Variants in TBC1D10A observed in about 807,000 individuals in gnomAD.
The protein encoded by TBC1D10A is TBC1 domain family member 10A, also known as EBP50-PDX interactor of 64 kDa.
In TBC1D10A, 24 loss-of-function variants were observed where a neutral mutation model predicts 52.9. That is an observed-to-expected ratio of 0.45 (90% CI 0.33 to 0.64). The LOEUF (loss-of-function observed/expected upper bound fraction) is 0.64. Ranked by LOEUF, TBC1D10A falls within the 30% of genes least tolerant of loss-of-function variation. The pLI, the probability that TBC1D10A is intolerant of heterozygous loss-of-function variation, is 0.02. For synonymous variants in TBC1D10A, 278 were observed against 282.9 expected, an observed-to-expected ratio of 0.98 and a Z score of 0.17; for missense variants, 602 against 687.9, an observed-to-expected ratio of 0.88 and a Z score of 1.40.
intron 1 of TBC1D10A, among the ~76,000 whole-genome samples, chr22:30,307,529 A>C (rs1039320636): frequency 1.3e-5 from 2 of 152,060 alleles, no homozygotes; most frequent in Non-Finnish European, 2.9e-5. Context: ...AGGCCATACA[A>C]TTCTCCCATA....
At chr22:30,316,842 C>A (rs1930547823) in intron 1 of TBC1D10A, among the ~76,000 whole-genome samples, 1 of 151,928 alleles carries the variant, frequency 6.6e-6, no homozygotes, top group Non-Finnish European at 1.5e-5. Context: ...AGTTTGAAAC[C>A]AGCCTGGGCA....
chr22:30,310,999 T>C (rs187730283), intron 1 of TBC1D10A, among the ~76,000 whole-genome samples: 4 of 151,842 alleles, frequency 2.6e-5, no homozygotes, highest in Non-Finnish European at 5.9e-5. Context: ...GTGTGGAAAA[T>C]TGGGAAGTGG....
At chr22:30,308,324 ATGCCTGCATGCCTGCC>A (rs1351410127) in intron 1 of TBC1D10A, among the ~76,000 whole-genome samples, 2 of 147,764 alleles carry the variant, frequency 1.4e-5, no homozygotes, top group Non-Finnish European at 1.5e-5. Context: ...GCATGCCTGC[ATGCCTGCATGCCTGCC>A]TGCCTGCCTG....
At chr22:30,315,638 G>A (rs984163748) in intron 1 of TBC1D10A, among the ~76,000 whole-genome samples, 9 of 152,156 alleles carry the variant, frequency 5.9e-5, no homozygotes, top group Admixed American at 2.0e-4. Context: ...GGCTGGCCGC[G>A]GAAGATCGCT....
chr22:30,292,655 G>T lies in TBC1D10A; in HGVS notation c.1247C>A (p.Ala416Asp), dbSNP rs776377464. 2.1e-5 allele frequency: 34 copies of T among 1,610,464 alleles called. No homozygotes were observed. The highest frequency in any genetic ancestry group is 4.5e-5 in the East Asian group (2 of 44,842). Reference sequence around the variant, plus strand: ...CTTGGCTTTGGAGCCAGGGAGGGGGGCATCTAGGGGCAGGCGGATGGATGG... The same window carrying T: ...CTTGGCTTTGGAGCCAGGGAGGGGGTCATCTAGGGGCAGGCGGATGGATGG... ...PSPSIRLPLD[A>D]PLPGSKAKPK... is the part of the protein sequence containing the mutation. The change falls in exon 9 of 9, where the codon GCC becomes GAC. Residue 416 changes from alanine to aspartate, a missense_variant. This residue lies in a region of TBC1D10A where 265 missense variants were observed against 275.1 expected (regional missense o/e 0.96). Coordinates refer to ENST00000215790, the MANE Select transcript of TBC1D10A (RefSeq NM_031937.3).
intron 2 of TBC1D10A, among the ~76,000 whole-genome samples, chr22:30,302,779 T>G (rs1930228193): frequency 6.6e-6 from 1 of 152,192 alleles, no homozygotes; most frequent in Non-Finnish European, 1.5e-5. Flanking sequence ...CAGCTGCTAC[T>G]CTGCTGAGAG....
At chr22:30,316,818 C>T (rs922890723) in intron 1 of TBC1D10A, among the ~76,000 whole-genome samples, 1 of 152,118 alleles carries the variant, frequency 6.6e-6, no homozygotes, top group Non-Finnish European at 1.5e-5. Context: ...GAGGGAGGAT[C>T]GCTTGTGCCC....
chr22:30,322,061 C>T (rs759702789), intron 1 of TBC1D10A, among the ~76,000 whole-genome samples: 30 of 150,688 alleles, frequency 2.0e-4, no homozygotes, highest in Admixed American at 2.0e-3. Context: ...CTCATTACAA[C>T]CTCCGCCTCC....
intron 1 of TBC1D10A, among the ~76,000 whole-genome samples, chr22:30,307,386 C>T (rs1307385415): frequency 6.6e-6 from 1 of 152,212 alleles, no homozygotes; most frequent in Non-Finnish European, 1.5e-5. Flanking sequence ...TGGAACTCCT[C>T]CAGGGATGGG....
Position 30,293,987 on chromosome 22 carries a change from ACATGAAC to A in TBC1D10A, c.822_828del (p.Trp274CysfsTer36), listed in dbSNP as rs1413135250. 4.3e-6 allele frequency: 7 copies of A among 1,614,058 alleles called. No individual in the cohort carries two copies. Among genetic ancestry groups the A allele is most frequent in the Non-Finnish European group, 5.9e-6 (7 of 1,180,016 alleles). Reference sequence around the variant, plus strand: ...CAGGGCAAGGTTCGGGAGAAGGCGCACATGAACCATTCTGTCATATAGAGGAGCGGGT... The same window carrying A: ...CAGGGCAAGGTTCGGGAGAAGGCGCACATTCTGTCATATAGAGGAGCGGGT... On this transcript the variant is annotated frameshift_variant, in exon 7 of 9. Transcript: ENST00000215790. LOFTEE classifies it high-confidence loss of function.
chr22:30,326,758 CGA>C lies in TBC1D10A; in HGVS notation c.122_123del (p.Leu41ArgfsTer3), dbSNP rs1930786738. ...DAATTDELSS[L>X]GSDSEANGFA... ...AAGCCGTTGGCCTCCGAGTCAGACCCGAGAGAGCTGAGTTCGTCGGTGGTTGC... is the reference window on the plus strand; with the variant it reads ...AAGCCGTTGGCCTCCGAGTCAGACCCGAGAGCTGAGTTCGTCGGTGGTTGC... On this transcript the variant is annotated frameshift_variant, in exon 1 of 9. Transcript: ENST00000215790. LOFTEE classifies it high-confidence loss of function. 8 of 1,527,006 alleles carry C rather than the reference CGA, an allele frequency of 5.2e-6. No individual in the cohort carries two copies. In the African/African-American group the frequency reaches 1.1e-4, roughly 22 times the overall value. 94.6% of individuals were successfully genotyped at this position (1,527,006 alleles called of 1,614,324 possible).
chr22:30,292,246 C>T lies in TBC1D10A; in HGVS notation c.*129G>A. On this transcript the variant is annotated 3_prime_UTR_variant, in exon 9 of 9. Transcript: ENST00000215790. ...GGACCAGGCAGAATCTGTGTTGGAC[C>T]AGCCAGACTCCAGCCCAGCCCAGTG... 1.3e-6 allele frequency: 1 copy of T among 782,668 alleles called. No individual in the cohort carries two copies. The highest frequency in any genetic ancestry group is 1.8e-5 in the African/African-American group (1 of 56,636). The allele number at this position is 782,668 out of a possible 1,614,324, so 48.5% of individuals were successfully genotyped here.
Position 30,326,894 on chromosome 22 carries a change from C to G in TBC1D10A, c.-13G>C, listed in dbSNP as rs529818297. ...TGCTCTTCGCCATCCCAGCCGCGCCCGCCGCCTGAGCTCCAGCGGCCACCT... is the reference window on the plus strand; with the variant it reads ...TGCTCTTCGCCATCCCAGCCGCGCCGGCCGCCTGAGCTCCAGCGGCCACCT... On this transcript the variant is annotated 5_prime_UTR_variant, in exon 1 of 9. Transcript: ENST00000215790. The G allele has an allele frequency of 1.8e-4, 265 of 1,468,152 alleles. No homozygotes were observed. The highest frequency in any genetic ancestry group is 2.2e-4 in the Non-Finnish European group (251 of 1,117,078). 90.9% of individuals were successfully genotyped at this position (1,468,152 alleles called of 1,614,324 possible).
Position 30,325,809 on chromosome 22 carries a change from C to T in TBC1D10A, c.209+864G>A, listed in dbSNP as rs1196422745. Among the ~76,000 whole-genome samples, 3 of 152,148 alleles carry T rather than the reference C, an allele frequency of 2.0e-5. No individual in the cohort carries two copies. The South Asian group carries it at 6.2e-4, about 32-fold the overall frequency. ...ACCCTGCTGTCTCCCTGCCTGCCCC[C>T]GTCCCACGCCCAAGATCTGCCCTTG... is the stretch of plus-strand genomic sequence containing the variant. On this transcript the variant is annotated intron_variant, in intron 1 of 8. Coordinates refer to ENST00000215790, the MANE Select transcript of TBC1D10A (RefSeq NM_031937.3).
chr22:30,310,846 A>G (rs1428002723), intron 1 of TBC1D10A, among the ~76,000 whole-genome samples: 1 of 152,130 alleles, frequency 6.6e-6, no homozygotes, highest in Non-Finnish European at 1.5e-5. Flanking sequence ...CGCTCATACC[A>G]TGGCTTCAAT....
At chr22:30,296,760 A>C (rs1930088930) in intron 3 of TBC1D10A, 1 of 152,266 alleles carries the variant, frequency 6.6e-6, no homozygotes, top group Admixed American at 6.5e-5. Context: ...AACTGCATGC[A>C]CATTCAAGAT....
At chr22:30,318,184 A>G (rs1930576872) in intron 1 of TBC1D10A, among the ~76,000 whole-genome samples, 1 of 152,188 alleles carries the variant, frequency 6.6e-6, no homozygotes, top group Non-Finnish European at 1.5e-5. Context: ...TAAAGGTGCT[A>G]GGTGAGGTCA....
chr22:30,293,298 C>G (rs1199876524), intron 8 of TBC1D10A: 2 of 605,696 alleles, frequency 3.3e-6, no homozygotes, highest in South Asian at 3.0e-5. Context: ...AAGCTGGTCA[C>G]GCATGTTCCA....
At chr22:30,315,735 C>T (rs566589792) in intron 1 of TBC1D10A, among the ~76,000 whole-genome samples, 168 of 152,348 alleles carry the variant, frequency 1.1e-3, no homozygotes, top group African/African-American at 3.9e-3. Flanking sequence ...TCACTCACGA[C>T]CCAGCTACTC....
Sources: gnomAD v4.1 joint callset for allele counts (sites outside exome capture counted in the v4.1 genomes callset) on GRCh38, gnomAD v4.1.1 for gene constraint, gnomAD v4.1.1 regional missense constraint, MANE v1.5 for transcripts, NCBI Gene and HGNC (gene_info 2026-07-23, HGNC 2026-07-21) for gene names.